IQCB1: variants seen among roughly 807,000 people sequenced by gnomAD.
The protein encoded by IQCB1 is IQ calmodulin-binding motif-containing protein 1.
In IQCB1, 56 loss-of-function variants were observed where a neutral mutation model predicts 84.4. The observed-to-expected ratio is 0.66, with a 90% CI of 0.54 to 0.83. The LOEUF (loss-of-function observed/expected upper bound fraction) is 0.83. Ranked by LOEUF, IQCB1 falls within the 40% of genes least tolerant of loss-of-function variation. The pLI, the probability that IQCB1 is intolerant of heterozygous loss-of-function variation, is 0.00. For synonymous variants in IQCB1, 210 were observed against 234.8 expected, an observed-to-expected ratio of 0.89 and a Z score of 0.96; for missense variants, 629 against 682.1, an observed-to-expected ratio of 0.92 and a Z score of 0.87.
At chr3:121,789,517 T>G (rs1948871412) in intron 11 of IQCB1, among the ~76,000 whole-genome samples, 1 of 152,140 alleles carries the variant, frequency 6.6e-6, no homozygotes. Context: ...GATGGAACCC[T>G]AGAAAACATC....
intron 5 of IQCB1, among the ~76,000 whole-genome samples, chr3:121,821,704 T>C (rs1193455613): frequency 1.3e-5 from 2 of 152,210 alleles, no homozygotes; most frequent in African/African-American, 4.8e-5. Context: ...ACCTAAGCTT[T>C]TGCTGACCAA....
At chr3:121,785,959 A>C (rs1948691017) in intron 12 of IQCB1, among the ~76,000 whole-genome samples, 1 of 150,782 alleles carries the variant, frequency 6.6e-6, no homozygotes, top group South Asian at 2.1e-4. Context: ...ACTTGAGCTC[A>C]GGAGTTGGAG....
intron 11 of IQCB1, among the ~76,000 whole-genome samples, chr3:121,788,965 A>G (rs1403378957): frequency 6.6e-6 from 1 of 152,214 alleles, no homozygotes; most frequent in Non-Finnish European, 1.5e-5. Context: ...GAAGTATAAG[A>G]AACTGATATA....
chr3:121,791,640 T>C (rs1003029795), intron 10 of IQCB1, among the ~76,000 whole-genome samples: 9 of 152,172 alleles, frequency 5.9e-5, no homozygotes, highest in Non-Finnish European at 1.2e-4. Flanking sequence ...TCCCAAAGAA[T>C]AGCTGATAGC....
chr3:121,795,061 T>C (rs1307831862), intron 10 of IQCB1, among the ~76,000 whole-genome samples: 4 of 152,124 alleles, frequency 2.6e-5, no homozygotes, highest in African/African-American at 4.8e-5. Context: ...TATCCATCCA[T>C]GCCATATTTA....
At position 121,770,231 on chromosome 3, in the gene IQCB1, G is replaced by T; in HGVS notation, c.*114C>A. ...TGCTTACTGCAGGTCTTGTCTGGAGGAGAACCTCTGGAAAATAATAAGTTA... is the reference window on the plus strand; with the variant it reads ...TGCTTACTGCAGGTCTTGTCTGGAGTAGAACCTCTGGAAAATAATAAGTTA... On this transcript the variant is annotated 3_prime_UTR_variant, in exon 15 of 15. Coordinates refer to ENST00000310864, the MANE Select transcript of IQCB1 (RefSeq NM_001023570.4). The T allele has an allele frequency of 1.4e-6, 1 of 716,460 alleles. No individual in the cohort carries two copies. The highest frequency in any genetic ancestry group is 1.6e-5 in the South Asian group (1 of 63,704). 44.4% of individuals were successfully genotyped at this position (716,460 alleles called of 1,614,324 possible).
At chr3:121,770,752 G>C (rs1330626041) in intron 14 of IQCB1, among the ~76,000 whole-genome samples, 178 bp from the exon 15 acceptor site, 1 of 152,072 alleles carries the variant, frequency 6.6e-6, no homozygotes, top group Non-Finnish European at 1.5e-5. Flanking sequence ...GCAAGATCAC[G>C]GCTCACTGCA....
At chr3:121,809,247 G>T (rs1356474030) in intron 5 of IQCB1, among the ~76,000 whole-genome samples, 1 of 151,898 alleles carries the variant, frequency 6.6e-6, no homozygotes, top group Non-Finnish European at 1.5e-5. Flanking sequence ...CATAAGTAGT[G>T]TAAGGGCTAC....
intron 5 of IQCB1, among the ~76,000 whole-genome samples, chr3:121,812,689 A>G (rs1439437092): frequency 6.6e-6 from 1 of 152,216 alleles, no homozygotes; most frequent in Non-Finnish European, 1.5e-5. Flanking sequence ...AGATCAACTT[A>G]ATGAAATAAA....
Position 121,786,170 on chromosome 3 carries a change from C to CAAGAAAAAAAGAAAAGAAAAG in IQCB1, c.1278+2113_1278+2114insCTTTTCTTTTCTTTTTTTCTT. Among the ~76,000 whole-genome samples, 77 of 72,870 alleles carry CAAGAAAAAAAGAAAAGAAAAG rather than the reference C, an allele frequency of 1.1e-3. 1 individual carries two copies. The highest frequency in any genetic ancestry group is 1.4e-3 in the Non-Finnish European group (54 of 39,258). The allele number at this position is 72,870 out of a possible 152,430, so 47.8% of individuals were successfully genotyped here. ...TGGGAGACAGAGAGAGATTCTGTCTCAAAAGAAAAGAAAAGAAAAGAAAAG... is the reference window on the plus strand; with the variant it reads ...TGGGAGACAGAGAGAGATTCTGTCTCAAGAAAAAAAGAAAAGAAAAGAAAAGAAAAGAAAAGAAAAGAAAAG... On this transcript the variant is annotated intron_variant, in intron 12 of 14. Coordinates refer to ENST00000310864, the MANE Select transcript of IQCB1 (RefSeq NM_001023570.4).
rs148949254 is a variant in IQCB1, at chr3:121,770,592, TA to T, written c.1568-19del. The T allele has an allele frequency of 0.15, 233,405 of 1,588,292 alleles. 18,906 individuals carry two copies. The highest frequency in any genetic ancestry group is 0.27 in the South Asian group (24,042 of 90,580). On this transcript the variant is annotated intron_variant, in intron 14 of 14. Transcript: ENST00000310864. ...TGGTGCCTCTGTAGTGGACAGAAAA[TA>T]AACAGATGAGCAGAAGAGTCCTATG... is the stretch of plus-strand genomic sequence containing the variant.
chr3:121,772,018 A>T (rs1476207511), intron 14 of IQCB1, among the ~76,000 whole-genome samples: 1 of 152,054 alleles, frequency 6.6e-6, no homozygotes, highest in African/African-American at 2.4e-5. Flanking sequence ...TACTAAAACT[A>T]CAAAAATTAG....
intron 7 of IQCB1, among the ~76,000 whole-genome samples, chr3:121,799,773 A>G (rs1949336033): frequency 6.6e-6 from 1 of 151,906 alleles, no homozygotes; most frequent in Non-Finnish European, 1.5e-5. Flanking sequence ...TACAAAGACA[A>G]AAATGCCATA....
intron 2 of IQCB1, among the ~76,000 whole-genome samples, chr3:121,831,413 G>A (rs991540942): frequency 6.6e-6 from 1 of 151,924 alleles, no homozygotes; most frequent in Non-Finnish European, 1.5e-5. Context: ...ATAATAAACT[G>A]GAAAACATGT....
At chr3:121,808,779 A>G (rs1331172009) in intron 6 of IQCB1, 137 bp downstream of exon 6, 6 of 600,390 alleles carry the variant, frequency 1.0e-5, no homozygotes, top group African/African-American at 1.9e-5. Context: ...AAAAATTGTG[A>G]GCTTATTTCA....
intron 7 of IQCB1, among the ~76,000 whole-genome samples, chr3:121,802,781 T>C (rs546097523): frequency 3.3e-5 from 5 of 152,356 alleles, no homozygotes; most frequent in Non-Finnish European, 7.3e-5. Context: ...TCTTTTCTAA[T>C]ATATAGGCAT....
At chr3:121,832,690 T>A (rs1421135116) in intron 2 of IQCB1, among the ~76,000 whole-genome samples, 2 of 152,242 alleles carry the variant, frequency 1.3e-5, no homozygotes. Flanking sequence ...GTCTTTTGTG[T>A]CCTGTTTAGA....
intron 4 of IQCB1, among the ~76,000 whole-genome samples, chr3:121,826,581 T>C (rs1950473571): frequency 6.6e-6 from 1 of 152,278 alleles, no homozygotes; most frequent in Non-Finnish European, 1.5e-5. Context: ...AATGCCCAAG[T>C]AGGATTTGTT....
chr3:121,829,023 C>T (rs1168656327), intron 2 of IQCB1, 51 bp from the exon 3 acceptor site: 14 of 933,724 alleles, frequency 1.5e-5, no homozygotes, highest in Non-Finnish European at 2.5e-5. Flanking sequence ...AGGAAATGTT[C>T]ACTACCTAAA....
Sources: allele counts gnomAD v4.1 joint callset (sites outside exome capture counted in the v4.1 genomes callset), GRCh38; gene constraint gnomAD v4.1.1; transcripts MANE v1.5; gene names NCBI Gene and HGNC (gene_info 2026-07-23, HGNC 2026-07-21).